MAP2K6: variants seen among roughly 807,000 people sequenced by gnomAD.
MAP2K6 encodes the protein dual specificity mitogen-activated protein kinase kinase 6.
In MAP2K6, 16 loss-of-function variants were observed where a neutral mutation model predicts 53.7. The ratio of observed to expected loss-of-function variants is 0.30; its 90% CI spans 0.20 to 0.45. MAP2K6 has a LOEUF of 0.45. Ranked by LOEUF, MAP2K6 falls within the 20% of genes least tolerant of loss-of-function variation. MAP2K6 has a pLI of 1.00. For synonymous variants in MAP2K6, 132 were observed against 143.1 expected (o/e 0.92, Z 0.55); for missense variants, 204 against 411.9 (o/e 0.50, Z 4.37).
At chr17:69,456,300 A>G (rs964441111) in intron 1 of MAP2K6, among the ~76,000 whole-genome samples, 12 of 152,180 alleles carry the variant, frequency 7.9e-5, no homozygotes, top group Non-Finnish European at 4.4e-5. Context: ...TTTGGCGGAA[A>G]ATAACACCTG....
intron 1 of MAP2K6, among the ~76,000 whole-genome samples, chr17:69,465,121 G>A (rs1907752254): frequency 6.6e-6 from 1 of 150,982 alleles, no homozygotes; most frequent in Non-Finnish European, 1.5e-5. Context: ...TGAATGAATG[G>A]TAGCTATTTT....
chr17:69,460,363 G>A (rs886070586), intron 1 of MAP2K6, among the ~76,000 whole-genome samples: 4 of 152,304 alleles, frequency 2.6e-5, no homozygotes, highest in African/African-American at 9.6e-5. Context: ...GGTATTTAAC[G>A]CACTGCAGAT....
intron 4 of MAP2K6, 78 bp from the exon 5 acceptor site, chr17:69,519,235 A>G (rs879219870): frequency 6.7e-7 from 1 of 1,495,834 alleles, no homozygotes; most frequent in Non-Finnish European, 9.0e-7. Context: ...AACTATTTTC[A>G]CGATGGGACT....
rs1235855229 is a variant in MAP2K6, at chr17:69,544,064, G to A, written c.*2311G>A. ...TCATGTGATTCTGATGTGAAGCTGGGTTCAGAACACTTATCTAGTACCTTC... is the reference window on the plus strand; with the variant it reads ...TCATGTGATTCTGATGTGAAGCTGGATTCAGAACACTTATCTAGTACCTTC... On this transcript the variant is annotated 3_prime_UTR_variant, in exon 12 of 12. Transcript: ENST00000590474. The A allele has an allele frequency of 2.0e-5, 3 of 152,108 alleles. No individual in the cohort carries two copies. 9.4% of individuals were successfully genotyped at this position (152,108 alleles called of 1,614,324 possible).
chr17:69,478,557 T>C (rs747334234), intron 1 of MAP2K6, among the ~76,000 whole-genome samples: 1 of 152,170 alleles, frequency 6.6e-6, no homozygotes, highest in Non-Finnish European at 1.5e-5. Context: ...CTCAGCCTCC[T>C]GAGTAGCTGG....
intron 9 of MAP2K6, among the ~76,000 whole-genome samples, chr17:69,525,822 C>T (rs1910742710): frequency 6.6e-6 from 1 of 152,188 alleles, no homozygotes; most frequent in African/African-American, 2.4e-5. Context: ...ACAGCCCAAC[C>T]GTATCAGTCA....
At chr17:69,500,287 A>C (rs930126532) in intron 1 of MAP2K6, among the ~76,000 whole-genome samples, 1 of 151,696 alleles carries the variant, frequency 6.6e-6, no homozygotes, top group Non-Finnish European at 1.5e-5. Flanking sequence ...TAAAAATACA[A>C]AAATTAGGCG....
chr17:69,489,420 T>C (rs1797417932), intron 1 of MAP2K6, among the ~76,000 whole-genome samples: 1 of 152,172 alleles, frequency 6.6e-6, no homozygotes, highest in Non-Finnish European at 1.5e-5. Flanking sequence ...TCTTCGCAAT[T>C]AACTGATTTA....
At position 69,551,552 on chromosome 17, in the gene MAP2K6, T is replaced by A. The variant is rs923546683; in HGVS notation, c.*9799T>A. 1.3e-5 allele frequency: 2 copies of A among 152,184 alleles called. No homozygotes were observed. Among genetic ancestry groups the A allele is most frequent in the Admixed American group, 6.5e-5 (1 of 15,276 alleles). 9.4% of individuals were successfully genotyped at this position (152,184 alleles called of 1,614,324 possible). On this transcript the variant is annotated 3_prime_UTR_variant, in exon 12 of 12. Transcript: ENST00000590474. ...TTAGAAAACTATATGTGCCAAAAAT[T>A]TACATTGGGCAGCAGTTTATAGTGT...
chr17:69,537,768 T>G (rs548461082), intron 11 of MAP2K6, among the ~76,000 whole-genome samples: 1 of 152,330 alleles, frequency 6.6e-6, no homozygotes, highest in African/African-American at 2.4e-5. Flanking sequence ...ACCATCTTTA[T>G]TCAACTAAAA....
chr17:69,547,422 C>T lies in MAP2K6; in HGVS notation c.*5669C>T, dbSNP rs1443622467. The T allele has an allele frequency of 6.6e-6, 1 of 152,252 alleles. No homozygotes were observed. Among genetic ancestry groups the T allele is most frequent in the Non-Finnish European group, 1.5e-5 (1 of 68,052 alleles). 9.4% of individuals were successfully genotyped at this position (152,252 alleles called of 1,614,324 possible). A position where few individuals can be genotyped will look rare whatever the true frequency, so the allele number is the denominator to read the frequency against. ...ATACGCAATACACAAATGAATGAGC[C>T]TGGTGGCTGTGTTCCAATAAAACTT... On this transcript the variant is annotated 3_prime_UTR_variant, in exon 12 of 12. Coordinates refer to ENST00000590474, the MANE Select transcript of MAP2K6 (RefSeq NM_002758.4).
chr17:69,436,502 G>C (rs1399864495), intron 1 of MAP2K6, among the ~76,000 whole-genome samples: 1 of 152,040 alleles, frequency 6.6e-6, no homozygotes, highest in Non-Finnish European at 1.5e-5. Context: ...ATTCAGGCTC[G>C]GTGCCTGGCA....
intron 1 of MAP2K6, among the ~76,000 whole-genome samples, chr17:69,484,000 A>G (rs1157949094): frequency 1.3e-5 from 2 of 152,126 alleles, no homozygotes; most frequent in African/African-American, 2.4e-5. Flanking sequence ...AGAAGAAAAC[A>G]TAGGTGTAAG....
In MAP2K6 at chr17:69,553,548, G is replaced by A. The variant is rs1003742423; in HGVS notation, c.*11795G>A. Reference sequence around the variant, plus strand: ...ATATTCTTCAGTTTCATACTGCTGAGGAGAAAGGAACAAGCTGCAGACACT... The same window carrying A: ...ATATTCTTCAGTTTCATACTGCTGAAGAGAAAGGAACAAGCTGCAGACACT... On this transcript the variant is annotated 3_prime_UTR_variant, in exon 12 of 12. Coordinates refer to ENST00000590474, the MANE Select transcript of MAP2K6 (RefSeq NM_002758.4). The A allele has an allele frequency of 3.3e-5, 5 of 152,224 alleles. No individual in the cohort carries two copies. Among genetic ancestry groups the A allele is most frequent in the Non-Finnish European group, 5.9e-5 (4 of 68,044 alleles). 9.4% of individuals were successfully genotyped at this position (152,224 alleles called of 1,614,324 possible). A position where few individuals can be genotyped will look rare whatever the true frequency, so the allele number is the denominator to read the frequency against.
intron 7 of MAP2K6, among the ~76,000 whole-genome samples, chr17:69,522,643 A>C (rs78780650): frequency 0.017 from 2,522 of 152,240 alleles, 37 homozygotes; most frequent in Middle Eastern, 0.044. Flanking sequence ...GATTCGTTTA[A>C]AATCTGGTCT....
At chr17:69,430,250 CGCTT>C (rs1906415703) in intron 1 of MAP2K6, among the ~76,000 whole-genome samples, 1 of 151,994 alleles carries the variant, frequency 6.6e-6, no homozygotes, top group Non-Finnish European at 1.5e-5. Flanking sequence ...GCATGAGAAT[CGCTT>C]GAACCTGGGA....
chr17:69,478,070 A>C (rs1399333648), intron 1 of MAP2K6, among the ~76,000 whole-genome samples: 1 of 152,242 alleles, frequency 6.6e-6, no homozygotes, highest in African/African-American at 2.4e-5. Flanking sequence ...GGTGTGTTCC[A>C]GGAAATAGCG....
In MAP2K6 at chr17:69,552,190, C is replaced by T. The variant is rs1251304261; in HGVS notation, c.*10437C>T. 1 of 152,194 alleles carries T rather than the reference C, an allele frequency of 6.6e-6. No individual in the cohort carries two copies. Among genetic ancestry groups the T allele is most frequent in the Non-Finnish European group, 1.5e-5 (1 of 68,040 alleles). 9.4% of individuals were successfully genotyped at this position (152,194 alleles called of 1,614,324 possible). A position where few individuals can be genotyped will look rare whatever the true frequency, so the allele number is the denominator to read the frequency against. On this transcript the variant is annotated 3_prime_UTR_variant, in exon 12 of 12. Transcript: ENST00000590474. ...GTTTATTGCAAAGAGAGCCTTTGGG[C>T]AAGTGGAAAATGCCCTGATGCTAGA...
chr17:69,480,219 G>A (rs1443621885), intron 1 of MAP2K6, among the ~76,000 whole-genome samples: 1 of 152,168 alleles, frequency 6.6e-6, no homozygotes, highest in Non-Finnish European at 1.5e-5. Flanking sequence ...GGTACCCTGA[G>A]CTCCTTCATG....
Sources: allele counts gnomAD v4.1 joint callset (sites outside exome capture counted in the v4.1 genomes callset), GRCh38; gene constraint gnomAD v4.1.1; transcripts MANE v1.5; gene names NCBI Gene and HGNC (gene_info 2026-07-23, HGNC 2026-07-21).